Variants in FOCAD observed in about 807,000 individuals in gnomAD.
The protein encoded by FOCAD is focadhesin.
FOCAD carries 198 observed loss-of-function variants against 225.6 expected under a neutral mutation model. The ratio of observed to expected loss-of-function variants is 0.88; its 90% CI spans 0.78 to 0.99. The LOEUF (loss-of-function observed/expected upper bound fraction) is 0.99. FOCAD is among the 50% of genes least tolerant of loss of function. FOCAD has a pLI of 0.00. For missense variants in FOCAD, 2,713 were observed against 2,123.6 expected (o/e 1.28, Z -5.46); for synonymous variants, 897 against 755.0 (o/e 1.19, Z -3.08).
chr9:20,759,443 G>A (rs1003962765), intron 6 of FOCAD, among the ~76,000 whole-genome samples: 1 of 152,136 alleles, frequency 6.6e-6, no homozygotes. Context: ...ACAAACCTGA[G>A]AAAAACAAGC....
rs369331152 is a variant in FOCAD, at chr9:20,758,722, T to C, written c.494+531T>C. 2.0e-4 allele frequency among the ~76,000 whole-genome samples: 30 copies of C among 152,276 alleles called. No homozygotes were observed. The East Asian group carries it at 5.8e-3, about 29-fold the overall frequency. On this transcript the variant is annotated intron_variant, in intron 6 of 43. Coordinates refer to ENST00000338382, the MANE Select transcript of FOCAD (RefSeq NM_001375567.1). ...ATCATTTTTTATGGCTGCATAGTAT[T>C]CCATGGTGTATATGTGCCAACATAG...
At chr9:20,919,370 G>A (rs1424803068) in intron 24 of FOCAD, among the ~76,000 whole-genome samples, 2 of 152,136 alleles carry the variant, frequency 1.3e-5, no homozygotes, top group East Asian at 1.9e-4. Flanking sequence ...AATCAATATC[G>A]TGAAAATGGC....
Position 20,944,615 on chromosome 9 carries a change from T to G in FOCAD, c.3408-12T>G. 1 of 1,608,852 alleles carries G rather than the reference T, an allele frequency of 6.2e-7. No homozygotes were observed. The highest frequency in any genetic ancestry group is 1.7e-4 in the Middle Eastern group (1 of 6,046). ...TTATGATCCTAACATCTTATCTTTT[T>G]TGGCTTCCAAGCACGGGCTGTATAT... is the stretch of plus-strand genomic sequence containing the variant. On this transcript the variant is annotated splice_polypyrimidine_tract_variant and intron_variant, in intron 28 of 43. Transcript: ENST00000338382.
intron 5 of FOCAD, among the ~76,000 whole-genome samples, chr9:20,746,015 T>C (rs56317300): frequency 0.35 from 52,467 of 151,950 alleles, 9,570 homozygotes; most frequent in Non-Finnish European, 0.4. Context: ...TTTTGTAATT[T>C]ATATTGGTTT....
chr9:20,661,541 A>C (rs755688631), intron 2 of FOCAD, among the ~76,000 whole-genome samples: 5 of 152,150 alleles, frequency 3.3e-5, no homozygotes, highest in Non-Finnish European at 7.4e-5. Context: ...CAGGTAATTA[A>C]AGTCTAAGAG....
intron 19 of FOCAD, among the ~76,000 whole-genome samples, chr9:20,881,510 A>G (rs760777904): frequency 2.6e-5 from 4 of 152,200 alleles, no homozygotes; most frequent in Non-Finnish European, 5.9e-5. Context: ...GAATTCAGTA[A>G]ACTAGTTTTT....
intron 15 of FOCAD, among the ~76,000 whole-genome samples, chr9:20,850,656 T>C (rs900646736): frequency 1.4e-4 from 21 of 151,740 alleles, no homozygotes; most frequent in Non-Finnish European, 8.8e-5. Flanking sequence ...CTACCTTCAG[T>C]TATGCTTTAA....
In FOCAD at chr9:20,965,424, A is replaced by G. The variant is rs147499344; in HGVS notation, c.4133-10996A>G. Among the ~76,000 whole-genome samples the G allele has an allele frequency of 4.2e-4, 64 of 152,214 alleles. No homozygotes were observed. The East Asian group carries it at 6.2e-3, about 15-fold the overall frequency. ...GAAAGATATCAGGCGCCAAGACTGT[A>G]TCTCTCTTTTTCTCTTTTTCAGGGG... On this transcript the variant is annotated intron_variant, in intron 35 of 43. Coordinates refer to ENST00000338382, the MANE Select transcript of FOCAD (RefSeq NM_001375567.1).
At chr9:20,947,042 G>A (rs1377466419) in intron 30 of FOCAD, among the ~76,000 whole-genome samples, 1 of 151,994 alleles carries the variant, frequency 6.6e-6, no homozygotes, top group African/African-American at 2.4e-5. Context: ...TTTTCTTTGA[G>A]AGAGTATTGA....
chr9:20,755,735 A>T (rs1563949313), intron 5 of FOCAD, among the ~76,000 whole-genome samples: 1 of 152,196 alleles, frequency 6.6e-6, no homozygotes, highest in Non-Finnish European at 1.5e-5. Context: ...GGTTCTTATC[A>T]GAAGAACCCA....
At chr9:20,859,180 G>C (rs767823517) in intron 15 of FOCAD, among the ~76,000 whole-genome samples, 3 of 152,094 alleles carry the variant, frequency 2.0e-5, no homozygotes, top group Non-Finnish European at 4.4e-5. Flanking sequence ...TTTGAGATGA[G>C]TCTGACTAAC....
intron 8 of FOCAD, among the ~76,000 whole-genome samples, chr9:20,776,085 G>A (rs1186631109): frequency 1.3e-5 from 2 of 152,122 alleles, no homozygotes; most frequent in African/African-American, 4.8e-5. Flanking sequence ...AGTATGGAAG[G>A]TGGGAGAGGC....
chr9:20,679,918 C>T (rs954671138), upstream of FOCAD, among the ~76,000 whole-genome samples: 2 of 152,202 alleles, frequency 1.3e-5, no homozygotes, highest in Non-Finnish European at 2.9e-5. Context: ...CTTGTAACCC[C>T]TATGAAGGAC....
chr9:20,933,867 A>G (rs1274363949), intron 28 of FOCAD, among the ~76,000 whole-genome samples: 8 of 150,032 alleles, frequency 5.3e-5, no homozygotes, highest in African/African-American at 2.0e-4. Flanking sequence ...CCGCGTCCAC[A>G]CCAACATCTA....
At position 20,990,192 on chromosome 9, in the gene FOCAD, C is replaced by T. The variant is rs375110882; in HGVS notation, c.5074C>T (p.Leu1692Phe). ...VAWADHTAPL[L>F]LGLSASWLPW... ...ATGGGCTGACCACACTGCCCCTCTC[C>T]TCCTCGGCCTCAGTGCCAGTTGGTT... Residue 1692 changes from leucine to phenylalanine, a missense_variant, in exon 42 of 44, where the codon CTC (leucine) becomes TTC (phenylalanine). Leu to Phe is a conservative substitution (Grantham distance 22). Coordinates refer to ENST00000338382, the MANE Select transcript of FOCAD (RefSeq NM_001375567.1). 6.2e-7 allele frequency: 1 copy of T among 1,614,226 alleles called. No homozygotes were observed. Among genetic ancestry groups the T allele is most frequent in the Admixed American group, 1.7e-5 (1 of 60,034 alleles).
intron 35 of FOCAD, among the ~76,000 whole-genome samples, chr9:20,964,528 G>A (rs1299331879): frequency 6.6e-6 from 1 of 152,084 alleles, no homozygotes; most frequent in Non-Finnish European, 1.5e-5. Context: ...AGTGGCAGGT[G>A]TGTTGAGCAT....
intron 5 of FOCAD, among the ~76,000 whole-genome samples, chr9:20,751,204 C>T (rs951611240): frequency 6.6e-6 from 1 of 150,822 alleles, no homozygotes; most frequent in Non-Finnish European, 1.5e-5. Context: ...TACATATGCA[C>T]AATGTGCAGG....
intron 24 of FOCAD, among the ~76,000 whole-genome samples, chr9:20,920,004 C>G (rs1311703999): frequency 6.6e-6 from 1 of 151,960 alleles, no homozygotes; most frequent in Non-Finnish European, 1.5e-5. Context: ...GCAAAAGAAA[C>G]TACCATCAGA....
In FOCAD at chr9:20,933,003, T is replaced by C; in HGVS notation, c.3318-11T>C. On this transcript the variant is annotated splice_polypyrimidine_tract_variant and intron_variant, in intron 27 of 43. Coordinates refer to ENST00000338382, the MANE Select transcript of FOCAD (RefSeq NM_001375567.1). ...TAAATAATTCATTGTTTCCCCTTGA[T>C]CTTTAACCAGTGATATATCTGGCCA... is the stretch of plus-strand genomic sequence containing the variant. 1.9e-6 allele frequency: 3 copies of C among 1,601,746 alleles called. No homozygotes were observed. The highest frequency in any genetic ancestry group is 2.7e-5 in the African/African-American group (2 of 74,774).
Sources: gnomAD v4.1 joint callset for allele counts (sites outside exome capture counted in the v4.1 genomes callset) on GRCh38, gnomAD v4.1.1 for gene constraint, MANE v1.5 for transcripts, NCBI Gene and HGNC (gene_info 2026-07-23, HGNC 2026-07-21) for gene names.